The following DPP6 variants were observed in gnomAD, a reference collection of about 807,000 sequenced individuals.
DPP6 encodes A-type potassium channel modulatory protein DPP6.
A neutral mutation model predicts 122.6 loss-of-function variants in DPP6; 69 were observed. The observed-to-expected ratio is 0.56, with a 90% CI of 0.46 to 0.69. DPP6 has a LOEUF of 0.69. Among genes scored for constraint, DPP6 ranks in the 30% least tolerant of loss-of-function variants. The pLI is 0.00. For missense variants in DPP6, 928 were observed against 1,116.9 expected (o/e 0.83, Z 2.41); for synonymous variants, 418 against 433.1 (o/e 0.97, Z 0.43).
At chr7:154,787,483 G>A (rs1192909893) in intron 10 of DPP6, among the ~76,000 whole-genome samples, 1 of 152,174 alleles carries the variant, frequency 6.6e-6, no homozygotes, top group Non-Finnish European at 1.5e-5. Flanking sequence ...TCAGTCAGAT[G>A]TCAGGTGGTT....
At chr7:153,841,027 A>C in the DPP6 span, among the ~76,000 whole-genome samples, 10 of 152,086 alleles carry the variant, frequency 6.6e-5, no homozygotes, top group Non-Finnish European at 1.5e-4. Flanking sequence ...GTGAAGAAAA[A>C]CCAGCAAGGT....
chr7:154,733,341 A>C (rs894410162), intron 8 of DPP6, among the ~76,000 whole-genome samples: 1 of 152,244 alleles, frequency 6.6e-6, no homozygotes, highest in Non-Finnish European at 1.5e-5. Flanking sequence ...TAGGGCCCTC[A>C]GTCCTGCTGG....
intron 1 of DPP6, among the ~76,000 whole-genome samples, chr7:154,234,997 G>C (rs1385728438): frequency 1.3e-5 from 2 of 152,144 alleles, no homozygotes; most frequent in African/African-American, 4.8e-5. Context: ...GATGGGTTTT[G>C]TTCTGTTTTG....
intron 5 of DPP6, among the ~76,000 whole-genome samples, chr7:154,617,060 G>A (rs991421613): frequency 2.4e-4 from 37 of 152,184 alleles, no homozygotes; most frequent in African/African-American, 8.4e-4. Context: ...CCATATGAAT[G>A]CATCTTGGAT....
intron 1 of DPP6, among the ~76,000 whole-genome samples, chr7:153,917,629 A>G (rs148436040): frequency 1.5e-3 from 225 of 152,316 alleles, no homozygotes; most frequent in African/African-American, 4.7e-3. Flanking sequence ...CTCTGGAAAG[A>G]CAGAAATGAA....
At chr7:153,826,228 T>C in the DPP6 span, among the ~76,000 whole-genome samples, 1 of 152,164 alleles carries the variant, frequency 6.6e-6, no homozygotes, top group Non-Finnish European at 1.5e-5. Context: ...ATGTAGGGTA[T>C]TTCAAGCTAA....
At chr7:154,173,280 T>G (rs1458344945) in intron 1 of DPP6, among the ~76,000 whole-genome samples, 3 of 152,164 alleles carry the variant, frequency 2.0e-5, no homozygotes, top group Admixed American at 2.0e-4. Context: ...GGATGGAGAT[T>G]TAGAAGAATG....
At chr7:154,050,541 A>G (rs1313613721), upstream of DPP6, among the ~76,000 whole-genome samples, 1 of 151,702 alleles carries the variant, frequency 6.6e-6, no homozygotes, top group Non-Finnish European at 1.5e-5. Context: ...TTTCATGTCC[A>G]TGTTAGGAGA....
chr7:154,254,940 TGTA>T, intron 1 of DPP6, among the ~76,000 whole-genome samples: 1 of 152,152 alleles, frequency 6.6e-6, no homozygotes, highest in South Asian at 2.1e-4. Context: ...AAACGCAAAT[TGTA>T]TTTCCTTTGC....
chr7:154,487,566 G>A lies in DPP6; in HGVS notation c.457+12529G>A, dbSNP rs371548682. Reference sequence around the variant, plus strand: ...CTTTAGTTCCGTTCCAATTAAAAGAGTCTGAGAGCTCAGGTGAATCCCAAT... The same window carrying A: ...CTTTAGTTCCGTTCCAATTAAAAGAATCTGAGAGCTCAGGTGAATCCCAAT... On this transcript the variant is annotated intron_variant, in intron 3 of 25. Transcript: ENST00000377770. Among the ~76,000 whole-genome samples the A allele has an allele frequency of 1.4e-3, 212 of 152,296 alleles. 3 individuals are homozygous for A. In the South Asian group the frequency reaches 0.014, roughly 10 times the overall value.
intron 1 of DPP6, among the ~76,000 whole-genome samples, chr7:154,310,827 T>C (rs1241398341): frequency 6.6e-6 from 1 of 152,154 alleles, no homozygotes; most frequent in Admixed American, 6.5e-5. Flanking sequence ...GAATGAACGG[T>C]CACCGTCTCT....
At chr7:154,381,294 G>A (rs536896501) in intron 1 of DPP6, among the ~76,000 whole-genome samples, 8 of 152,292 alleles carry the variant, frequency 5.3e-5, no homozygotes, top group African/African-American at 1.2e-4. Context: ...CTTTTACTCC[G>A]TTGTGTACAA....
Position 154,594,165 on chromosome 7 carries a change from A to T in DPP6, c.627+27249A>T, listed in dbSNP as rs75257614. Among the ~76,000 whole-genome samples the T allele has an allele frequency of 6.0e-3, 913 of 152,268 alleles. 18 individuals are homozygous for T. Among genetic ancestry groups the T allele is most frequent in the African/African-American group, 0.021 (857 of 41,546 alleles). On this transcript the variant is annotated intron_variant, in intron 5 of 25. Transcript: ENST00000377770. Reference sequence around the variant, plus strand: ...CTGGTCTAGATGCCCCTCATGGAGGATCTTCTAATCTTGCATTATTAGAAA... The same window carrying T: ...CTGGTCTAGATGCCCCTCATGGAGGTTCTTCTAATCTTGCATTATTAGAAA...
intron 17 of DPP6, chr7:154,858,241 ACTG>A (rs1803003626): frequency 6.6e-6 from 1 of 152,274 alleles, no homozygotes; most frequent in African/African-American, 2.4e-5. Context: ...TGAGGCAGGA[ACTG>A]CTATTATCCC....
chr7:153,807,167 C>A, the DPP6 span, among the ~76,000 whole-genome samples: 5 of 151,832 alleles, frequency 3.3e-5, no homozygotes, highest in South Asian at 1.0e-3. Context: ...AACCCCAGCA[C>A]TTTGGGAGGC....
intron 1 of DPP6, among the ~76,000 whole-genome samples, chr7:153,975,331 A>T (rs1796241393): frequency 2.0e-5 from 3 of 148,182 alleles, no homozygotes; most frequent in East Asian, 4.0e-4. Context: ...TAGAAACAGG[A>T]CCCCCCACCC....
the DPP6 span, among the ~76,000 whole-genome samples, chr7:153,833,974 T>C: frequency 6.6e-6 from 1 of 152,152 alleles, no homozygotes; most frequent in African/African-American, 2.4e-5. Context: ...TACTTTAAAC[T>C]CCCAACTTCT....
intron 1 of DPP6, among the ~76,000 whole-genome samples, chr7:154,285,042 A>C (rs1254888262): frequency 1.3e-5 from 2 of 152,164 alleles, no homozygotes; most frequent in African/African-American, 4.8e-5. Context: ...AATGACTACA[A>C]AATTGCTGTT....
chr7:154,594,284 A>G lies in DPP6; in HGVS notation c.627+27368A>G, dbSNP rs147814821. Among the ~76,000 whole-genome samples, 230 of 152,284 alleles carry G rather than the reference A, an allele frequency of 1.5e-3. 3 individuals are homozygous for G. In the East Asian group the frequency reaches 0.033, roughly 22 times the overall value. Reference sequence around the variant, plus strand: ...CTTATTTTGCCCACGTATTAATGCTATTTCCAAAACTGCCCGACAGCTCAC... The same window carrying G: ...CTTATTTTGCCCACGTATTAATGCTGTTTCCAAAACTGCCCGACAGCTCAC... On this transcript the variant is annotated intron_variant, in intron 5 of 25. Transcript: ENST00000377770.
Sources: gnomAD v4.1 joint callset for allele counts (sites outside exome capture counted in the v4.1 genomes callset) on GRCh38, gnomAD v4.1.1 for gene constraint, MANE v1.5 for transcripts, NCBI Gene and HGNC (gene_info 2026-07-23, HGNC 2026-07-21) for gene names.